The following CAMK2B variants were observed in gnomAD, a reference collection of about 807,000 sequenced individuals.
CAMK2B encodes calcium/calmodulin-dependent protein kinase type II subunit beta.
A neutral mutation model predicts 93.7 loss-of-function variants in CAMK2B; 27 were observed. The ratio of observed to expected loss-of-function variants is 0.29; its 90% CI spans 0.21 to 0.40. CAMK2B has a LOEUF of 0.40. Among genes scored for constraint, CAMK2B ranks in the 10% least tolerant of loss-of-function variants. The pLI is 1.00. For missense variants in CAMK2B, 568 were observed against 895.8 expected, an observed-to-expected ratio of 0.63 and a Z score of 4.67; for synonymous variants, 374 against 358.8, an observed-to-expected ratio of 1.04 and a Z score of -0.48.
intron 1 of CAMK2B, among the ~76,000 whole-genome samples, chr7:44,304,131 A>G (rs775452887): frequency 6.6e-6 from 1 of 152,204 alleles, no homozygotes; most frequent in African/African-American, 2.4e-5. Context: ...AGGAATTCTC[A>G]TTCATTGTTG....
intron 1 of CAMK2B, among the ~76,000 whole-genome samples, chr7:44,290,290 T>G (rs10281178): frequency 0.32 from 49,065 of 152,146 alleles, 8,779 homozygotes; most frequent in Non-Finnish European, 0.41. Context: ...TCCCATCCAG[T>G]TTTTGCGTCT....
chr7:44,258,834 G>C (rs754780212), intron 4 of CAMK2B, 38 bp downstream of exon 4: 43 of 1,599,862 alleles, frequency 2.7e-5, no homozygotes, highest in Non-Finnish European at 3.6e-5. Flanking sequence ...CCAAGGCTGG[G>C]AGTGAGTGCA....
intron 2 of CAMK2B, among the ~76,000 whole-genome samples, chr7:44,278,738 G>A (rs1051225519): frequency 6.6e-6 from 1 of 152,238 alleles, no homozygotes; most frequent in African/African-American, 2.4e-5. Flanking sequence ...GAGGCAGGCT[G>A]GGGGCAGGAG....
intron 4 of CAMK2B, among the ~76,000 whole-genome samples, chr7:44,258,396 C>A (rs542453294): frequency 6.6e-6 from 1 of 152,202 alleles, no homozygotes; most frequent in African/African-American, 2.4e-5. Flanking sequence ...CATGTGCTCA[C>A]GCGCCCCCAC....
rs1412023670 is a variant in CAMK2B, at chr7:44,241,852, C to A, written c.820-69G>T. On this transcript the variant is annotated intron_variant, in intron 10 of 23. Coordinates refer to ENST00000395749, the MANE Select transcript of CAMK2B (RefSeq NM_001220.5). ...CAGGGGAGAGGCCAGGGTGGCAAGG[C>A]TTGTGGCACCCTGGGGTCCCCACTT... 5 of 1,300,976 alleles carry A rather than the reference C, an allele frequency of 3.8e-6. No homozygotes were observed. In the African/African-American group the frequency reaches 5.8e-5, roughly 15 times the overall value. 80.6% of individuals were successfully genotyped at this position (1,300,976 alleles called of 1,614,324 possible). A position where few individuals can be genotyped will look rare whatever the true frequency, so the allele number is the denominator to read the frequency against.
intron 12 of CAMK2B, 77 bp downstream of exon 12, chr7:44,240,630 G>A: frequency 6.7e-7 from 1 of 1,502,004 alleles, no homozygotes; most frequent in South Asian, 1.2e-5. Context: ...GGAGAGGCTG[G>A]TGAGGAAGGA....
chr7:44,279,321 T>C (rs2097082180), intron 2 of CAMK2B, among the ~76,000 whole-genome samples: 2 of 152,146 alleles, frequency 1.3e-5, no homozygotes, highest in African/African-American at 2.4e-5. Flanking sequence ...TTTTCCACCA[T>C]AAAAAGTTAA....
chr7:44,266,552 G>A (rs1333881369), intron 2 of CAMK2B, among the ~76,000 whole-genome samples: 4 of 152,202 alleles, frequency 2.6e-5, no homozygotes, highest in African/African-American at 7.2e-5. Context: ...ATCCCTCCCT[G>A]CCAGCCTCAT....
intron 13 of CAMK2B, among the ~76,000 whole-genome samples, chr7:44,235,215 C>A (rs1015018849): frequency 6.6e-6 from 1 of 152,242 alleles, no homozygotes; most frequent in Non-Finnish European, 1.5e-5. Flanking sequence ...GGCACCCAGG[C>A]CTCAGAGGTC....
At chr7:44,243,830 T>C (rs1423599535) in intron 6 of CAMK2B, among the ~76,000 whole-genome samples, 1 of 152,200 alleles carries the variant, frequency 6.6e-6, no homozygotes, top group Non-Finnish European at 1.5e-5. Flanking sequence ...AAGGGCGACC[T>C]GGGGGCTAGT....
chr7:44,316,970 T>C (rs1192958588), intron 1 of CAMK2B, among the ~76,000 whole-genome samples: 5 of 152,162 alleles, frequency 3.3e-5, no homozygotes, highest in Non-Finnish European at 4.4e-5. Context: ...TTCTTAATTA[T>C]TCTCAGAGGT....
intron 4 of CAMK2B, 97 bp downstream of exon 4, chr7:44,258,775 G>T: frequency 9.0e-7 from 1 of 1,115,790 alleles, no homozygotes; most frequent in Non-Finnish European, 1.3e-6. Context: ...CCAGCCCACG[G>T]GTAGGGACTA....
chr7:44,255,509 C>T (rs904772378), intron 4 of CAMK2B, among the ~76,000 whole-genome samples: 8 of 152,182 alleles, frequency 5.3e-5, no homozygotes, highest in African/African-American at 9.7e-5. Context: ...ACTGCTCCCA[C>T]ACCACTTCCT....
At chr7:44,223,598 C>G (rs1214796599) in intron 20 of CAMK2B, among the ~76,000 whole-genome samples, 1 of 152,028 alleles carries the variant, frequency 6.6e-6, no homozygotes, top group Non-Finnish European at 1.5e-5. Flanking sequence ...GGCCCGCCCC[C>G]GCCCCAGCTG....
chr7:44,223,926 C>T (rs2096443729), intron 20 of CAMK2B, among the ~76,000 whole-genome samples: 1 of 152,250 alleles, frequency 6.6e-6, no homozygotes, highest in South Asian at 2.1e-4. Flanking sequence ...CAGCAGCAGG[C>T]AGCTGGAATG....
At chr7:44,261,141 A>G (rs1313847506) in intron 3 of CAMK2B, among the ~76,000 whole-genome samples, 1 of 152,206 alleles carries the variant, frequency 6.6e-6, no homozygotes, top group South Asian at 2.1e-4. Context: ...TCCCTAAGAC[A>G]TGGGAGGCCC....
chr7:44,258,197 C>T (rs1419748710), intron 4 of CAMK2B, among the ~76,000 whole-genome samples: 1 of 152,254 alleles, frequency 6.6e-6, no homozygotes, highest in East Asian at 1.9e-4. Flanking sequence ...TGCACACGCA[C>T]TCATGAAACA....
At chr7:44,287,965 G>A (rs1408176123) in intron 1 of CAMK2B, among the ~76,000 whole-genome samples, 1 of 152,214 alleles carries the variant, frequency 6.6e-6, no homozygotes, top group Non-Finnish European at 1.5e-5. Context: ...ACAGTGCCTG[G>A]GCTGTGATAT....
intron 5 of CAMK2B, among the ~76,000 whole-genome samples, chr7:44,251,692 G>A (rs2129002492): frequency 6.6e-6 from 1 of 152,364 alleles, no homozygotes; most frequent in South Asian, 2.1e-4. Context: ...CCTCAATGGA[G>A]GCAGTGGAGT....
Sources: allele counts gnomAD v4.1 joint callset (sites outside exome capture counted in the v4.1 genomes callset), GRCh38; gene constraint gnomAD v4.1.1; transcripts MANE v1.5; gene names NCBI Gene and HGNC (gene_info 2026-07-23, HGNC 2026-07-21).